KIDINS220: variants seen among roughly 807,000 people sequenced by gnomAD.
KIDINS220 encodes kinase D interacting substrate 220.
Under a neutral mutation model 157.6 loss-of-function variants are expected in KIDINS220, and 63 were observed. That is an observed-to-expected ratio of 0.40 (90% CI 0.33 to 0.49). KIDINS220 has a LOEUF of 0.49. Among genes scored for constraint, KIDINS220 ranks in the 20% least tolerant of loss-of-function variants. The pLI, the probability that KIDINS220 is intolerant of heterozygous loss-of-function variation, is 0.66. For synonymous variants in KIDINS220, 732 were observed against 783.6 expected (o/e 0.93, Z 1.10); for missense variants, 1,772 against 2,171.2 (o/e 0.82, Z 3.65).
At chr2:8,806,963 C>T (rs979181235) in intron 6 of KIDINS220, among the ~76,000 whole-genome samples, 1 of 152,164 alleles carries the variant, frequency 6.6e-6, no homozygotes. Context: ...TTCATCGCTT[C>T]CCATATCTTA....
chr2:8,810,004 G>A (rs1676056795), intron 6 of KIDINS220, among the ~76,000 whole-genome samples: 1 of 152,024 alleles, frequency 6.6e-6, no homozygotes. Flanking sequence ...CCTCACCACT[G>A]AGGGTGCACT....
chr2:8,779,172 C>T (rs1350489366), intron 18 of KIDINS220, 33 bp from the exon 19 acceptor site: 2 of 1,602,020 alleles, frequency 1.2e-6, no homozygotes, highest in South Asian at 1.1e-5. Context: ...TTGTGACATA[C>T]ATTTTAAATT....
Position 8,731,804 on chromosome 2 carries a change from G to A in KIDINS220, c.4232C>T (p.Ser1411Phe). 6.2e-7 allele frequency: 1 copy of A among 1,614,094 alleles called. No individual in the cohort carries two copies. Among genetic ancestry groups the A allele is most frequent in the Non-Finnish European group, 8.5e-7 (1 of 1,179,994 alleles). The change falls in exon 30 of 30, where the codon TCT (serine) becomes TTT (phenylalanine). Residue 1411 changes from serine (S) to phenylalanine (F), a missense_variant. Physicochemically the swap from Ser to Phe is radical, Grantham distance 155. This residue lies in a region of KIDINS220 where 793 missense variants were observed against 885.5 expected (regional missense o/e 0.90). Transcript: ENST00000256707. The surrounding 1 kb of genome is among the most constrained non-coding windows in gnomAD (Gnocchi z 5.2). ...ACCCATGTAATATGTGCTATGTGGA[G>A]AAGATCTGCCACTAATGGTTGTAGA... ...PGSTTISGRS[S>F]PHSTYYMGQS...
chr2:8,738,625 G>A, intron 26 of KIDINS220, among the ~76,000 whole-genome samples: 1 of 152,032 alleles, frequency 6.6e-6, no homozygotes, highest in South Asian at 2.1e-4. Flanking sequence ...CCAAATTGAG[G>A]GACGTTCTAC....
intron 26 of KIDINS220, among the ~76,000 whole-genome samples, chr2:8,745,797 A>T (rs571502371): frequency 6.6e-6 from 1 of 152,312 alleles, no homozygotes; most frequent in African/African-American, 2.4e-5. Flanking sequence ...AAACTCCGTC[A>T]AAAGAAAAAC....
At chr2:8,813,178 G>T in intron 5 of KIDINS220, 59 bp downstream of exon 5, 1 of 1,098,584 alleles carries the variant, frequency 9.1e-7, no homozygotes, top group Non-Finnish European at 1.4e-6. Context: ...TCAACCTTAA[G>T]TATTCCCTAA....
intron 2 of KIDINS220, chr2:8,825,912 T>C (rs1186490641): frequency 1.3e-5 from 2 of 151,674 alleles, no homozygotes; most frequent in Non-Finnish European, 2.9e-5. Flanking sequence ...ACCCCATCTC[T>C]ACTAAAAATA....
intron 7 of KIDINS220, among the ~76,000 whole-genome samples, chr2:8,804,878 T>C (rs1186339200): frequency 6.6e-6 from 1 of 152,148 alleles, no homozygotes; most frequent in Non-Finnish European, 1.5e-5. Flanking sequence ...ATTCTGACAC[T>C]ACCTACCTGG....
At chr2:8,790,971 C>T (rs1177017802) in intron 13 of KIDINS220, 89 bp downstream of exon 13, 4 of 1,221,674 alleles carry the variant, frequency 3.3e-6, no homozygotes, top group Non-Finnish European at 4.6e-6. Context: ...CATGCTTATA[C>T]AGAAAGTGGT....
downstream of KIDINS220, chr2:8,725,113 A>C (rs532285283): frequency 3.4e-4 from 52 of 152,362 alleles, no homozygotes; most frequent in African/African-American, 1.3e-3. Context: ...AATGACTGAA[A>C]AGAACTCAGG....
intron 24 of KIDINS220, among the ~76,000 whole-genome samples, chr2:8,748,495 C>T (rs1162102608): frequency 1.3e-5 from 2 of 152,192 alleles, no homozygotes; most frequent in Non-Finnish European, 2.9e-5. Context: ...GAGTTCACCT[C>T]TAGTTTACAC....
chr2:8,789,343 AGTG>A, intron 14 of KIDINS220, among the ~76,000 whole-genome samples: 1 of 101,236 alleles, frequency 9.9e-6, no homozygotes, highest in Non-Finnish European at 2.2e-5. Context: ...GCTGGAGAGC[AGTG>A]GCGCCATCTC....
chr2:8,758,300 C>T (rs1272159441), intron 22 of KIDINS220, among the ~76,000 whole-genome samples: 1 of 152,162 alleles, frequency 6.6e-6, no homozygotes, highest in African/African-American at 2.4e-5. Context: ...ATCCTCACTT[C>T]CCAGGTTCCA....
chr2:8,771,786 T>C (rs528028548), intron 21 of KIDINS220, among the ~76,000 whole-genome samples: 1 of 152,270 alleles, frequency 6.6e-6, no homozygotes, highest in African/African-American at 2.4e-5. Flanking sequence ...GCAAATCTGC[T>C]CATACACAGA....
chr2:8,824,010 T>C (rs1447871435), intron 2 of KIDINS220, among the ~76,000 whole-genome samples: 3 of 152,058 alleles, frequency 2.0e-5, no homozygotes, highest in Non-Finnish European at 1.5e-5. Flanking sequence ...AGATTATAAT[T>C]TGTTTAAAGT....
At chr2:8,818,157 TTC>T (rs1677355632) in intron 3 of KIDINS220, among the ~76,000 whole-genome samples, 2 of 152,324 alleles carry the variant, frequency 1.3e-5, no homozygotes, top group South Asian at 4.1e-4. Flanking sequence ...TAAAGAACTA[TTC>T]TCTTTTATTT....
Position 8,747,155 on chromosome 2 carries a change from T to A in KIDINS220, c.3575A>T (p.Asp1192Val). The A allele has an allele frequency of 6.2e-7, 1 of 1,613,692 alleles. No homozygotes were observed. The highest frequency in any genetic ancestry group is 8.5e-7 in the Non-Finnish European group (1 of 1,179,830). ...DAAEGLSSPT[D>V]SSRGSGPAPG... ...GGACTACTCCATTACCCTCGAGGAG[T>A]CTGTGGGTGAAGAAAGCCCCTCAGC... Residue 1192 changes from aspartate (D) to valine (V), a missense_variant, in exon 26 of 30, where the codon GAC (aspartate) becomes GTC (valine). Around this residue, in one of 3 missense-constraint regions of KIDINS220, gnomAD observed 793 missense variants for 885.5 expected, o/e 0.90. Coordinates refer to ENST00000256707, the MANE Select transcript of KIDINS220 (RefSeq NM_020738.4).
At chr2:8,754,369 G>A (rs1667735005) in intron 22 of KIDINS220, among the ~76,000 whole-genome samples, 1 of 152,174 alleles carries the variant, frequency 6.6e-6, no homozygotes, top group Non-Finnish European at 1.5e-5. Context: ...TTTTGGCAGT[G>A]GGCCATCAAA....
chr2:8,775,913 C>G (rs967233998), intron 21 of KIDINS220, among the ~76,000 whole-genome samples: 2 of 152,192 alleles, frequency 1.3e-5, no homozygotes, highest in African/African-American at 2.4e-5. Context: ...GAGACTTTAT[C>G]TTGTTCACTG....
Sources: allele counts gnomAD v4.1 joint callset (sites outside exome capture counted in the v4.1 genomes callset), GRCh38; gene constraint gnomAD v4.1.1; regional missense constraint gnomAD v4.1.1; non-coding constraint Gnocchi (gnomAD v3.1); transcripts MANE v1.5; gene names NCBI Gene and HGNC (gene_info 2026-07-23, HGNC 2026-07-21).